The following ZNF30 variants were observed in gnomAD, a reference collection of about 807,000 sequenced individuals.
ZNF30 encodes the protein zinc finger protein 30, also known as zinc finger protein 30 (KOX 28).
A neutral mutation model predicts 13.2 loss-of-function variants in ZNF30; 15 were observed. That is an observed-to-expected ratio of 1.13 (90% CI 0.76 to 1.75). The LOEUF (loss-of-function observed/expected upper bound fraction) is 1.75, where lower values mean the gene tolerates loss of function less well. Ranked by LOEUF, ZNF30 falls within the 40% of genes most tolerant of loss-of-function variation. ZNF30 has a pLI of 0.00. For synonymous variants in ZNF30, 223 were observed against 256.6 expected (o/e 0.87, Z 1.25); for missense variants, 726 against 757.0 (o/e 0.96, Z 0.48).
intron 1 of ZNF30, among the ~76,000 whole-genome samples, chr19:34,928,240 T>A (rs1363196920): frequency 9.2e-6 from 1 of 108,890 alleles, no homozygotes; most frequent in African/African-American, 5.0e-5. Flanking sequence ...TATATATATA[T>A]ATATATATAT....
Position 34,933,690 on chromosome 19 carries a change from A to T in ZNF30, c.223A>T (p.Thr75Ser), listed in dbSNP as rs772788491. Reference protein sequence around the residue: ...LLEQWKEPEVTVRKDGRRWCT... With the variant: ...LLEQWKEPEVSVRKDGRRWCT... Reference sequence around the variant, plus strand: ...GGAACAATGGAAAGAGCCTGAAGTGACAGTGAGGAAAGATGGAAGAAGATG... The same window carrying T: ...GGAACAATGGAAAGAGCCTGAAGTGTCAGTGAGGAAAGATGGAAGAAGATG... The change falls in exon 4 of 5, where the codon ACA (threonine) becomes TCA (serine). Residue 75 changes from threonine to serine, a missense_variant. Coordinates refer to ENST00000601142, the MANE Select transcript of ZNF30 (RefSeq NM_194325.3). The T allele has an allele frequency of 6.3e-7, 1 of 1,594,350 alleles. No individual in the cohort carries two copies. The highest frequency in any genetic ancestry group is 8.5e-7 in the Non-Finnish European group (1 of 1,169,968).
chr19:34,935,709 T>G (rs1027152876), intron 4 of ZNF30, among the ~76,000 whole-genome samples: 21 of 150,248 alleles, frequency 1.4e-4, no homozygotes, highest in African/African-American at 5.1e-4. Flanking sequence ...AGTTTTTTTT[T>G]TTTTTTTTTT....
chr19:34,926,731 G>A (rs115588923), upstream of ZNF30: 5 of 391,870 alleles, frequency 1.3e-5, no homozygotes, highest in East Asian at 1.8e-4. Context: ...TTTCTGACCT[G>A]GTGTGTTAAT....
rs2013160262 is a variant in ZNF30 at position 34,943,586 on chromosome 19, A to C, written c.620A>C (p.Lys207Thr). The C allele has an allele frequency of 6.2e-7, 1 of 1,613,730 alleles. No homozygotes were observed. The highest frequency in any genetic ancestry group is 8.5e-7 in the Non-Finnish European group (1 of 1,179,808). The part of the protein sequence containing the change: ...IHTGEKPLKC[K>T]QCGKTISGSY... ...ACTGGTGAGAAGCCACTCAAATGTA[A>C]GCAATGTGGAAAGACTATTAGTGGT... Residue 207 changes from lysine to threonine, a missense_variant, in exon 5 of 5, where the codon AAG becomes ACG. Physicochemically the swap from Lys to Thr is moderately conservative, Grantham distance 78. Coordinates refer to ENST00000601142, the MANE Select transcript of ZNF30 (RefSeq NM_194325.3).
intron 2 of ZNF30, among the ~76,000 whole-genome samples, chr19:34,931,029 TTC>T (rs1056219122): frequency 6.1e-5 from 9 of 146,584 alleles, no homozygotes; most frequent in Admixed American, 5.5e-4. Flanking sequence ...ACTTTTTTTT[TTC>T]TTTTTTTCTT....
At chr19:34,935,248 TA>T (rs60008328) in intron 4 of ZNF30, among the ~76,000 whole-genome samples, 3 of 150,318 alleles carry the variant, frequency 2.0e-5, no homozygotes, top group African/African-American at 7.5e-5. Context: ...AAAAAATTTT[TA>T]AAAACAATTT....
chr19:34,925,042 C>T (rs2012014549), upstream of ZNF30, among the ~76,000 whole-genome samples: 1 of 152,302 alleles, frequency 6.6e-6, no homozygotes, highest in East Asian at 1.9e-4. Flanking sequence ...CCTGGCAGGG[C>T]GTGCGATGGG....
chr19:34,931,722 T>C (rs1479385391), intron 2 of ZNF30, 121 bp from the exon 3 acceptor site: 1 of 938,912 alleles, frequency 1.1e-6, no homozygotes, highest in African/African-American at 1.7e-5. Flanking sequence ...ACCATGCTCA[T>C]CCACTTGCCA....
intron 4 of ZNF30, among the ~76,000 whole-genome samples, chr19:34,939,421 AC>A (rs2012924474): frequency 3.3e-5 from 5 of 149,340 alleles, no homozygotes; most frequent in Non-Finnish European, 7.4e-5. Flanking sequence ...TTGGTGATCC[AC>A]CCGCTTCGGC....
chr19:34,928,197 G>T, intron 1 of ZNF30, among the ~76,000 whole-genome samples: 1 of 117,318 alleles, frequency 8.5e-6, no homozygotes. Context: ...GACAGAGCGA[G>T]ATCCCTTCTC....
upstream of ZNF30, chr19:34,926,878 A>G: frequency 2.5e-6 from 1 of 397,978 alleles, no homozygotes; most frequent in Middle Eastern, 6.3e-4. Context: ...GAGCGCCCAG[A>G]AGTCTCCGGG....
chr19:34,939,954 G>GTGTA (rs1349207010), intron 4 of ZNF30, among the ~76,000 whole-genome samples: 29 of 152,310 alleles, frequency 1.9e-4, no homozygotes, highest in Non-Finnish European at 5.9e-5. Context: ...TTATAAAAAG[G>GTGTA]TGTAGTAGAG....
At chr19:34,928,730 G>C (rs1252487897) in intron 1 of ZNF30, among the ~76,000 whole-genome samples, 2 of 151,944 alleles carry the variant, frequency 1.3e-5, no homozygotes, top group African/African-American at 4.8e-5. Flanking sequence ...CTACTTGGGA[G>C]GCTCCCAGGA....
intron 3 of ZNF30, among the ~76,000 whole-genome samples, chr19:34,932,812 A>C (rs2012524447): frequency 1.4e-5 from 2 of 143,774 alleles, no homozygotes; most frequent in Admixed American, 7.1e-5. Context: ...ACATAGTCTC[A>C]CTCTGTTGCC....
intron 4 of ZNF30, among the ~76,000 whole-genome samples, chr19:34,938,861 G>A (rs996343468): frequency 3.3e-5 from 5 of 152,094 alleles, no homozygotes; most frequent in Admixed American, 6.6e-5. Flanking sequence ...GGATACACTC[G>A]CATAGCCCTC....
At chr19:34,931,524 A>C (rs1220841296) in intron 2 of ZNF30, among the ~76,000 whole-genome samples, 4 of 152,190 alleles carry the variant, frequency 2.6e-5, no homozygotes, top group Admixed American at 2.0e-4. Context: ...TAATATAGAG[A>C]CTAATTGTTT....
rs370039406 is a variant in ZNF30, at chr19:34,944,669, T to A, written c.1703T>A (p.Phe568Tyr). 3.1e-6 allele frequency: 5 copies of A among 1,612,396 alleles called. No individual in the cohort carries two copies. The highest frequency in any genetic ancestry group is 3.3e-4 in the Middle Eastern group (2 of 6,076). Residue 568 changes from phenylalanine (F) to tyrosine (Y), a missense_variant, in exon 5 of 5, where the codon TTT becomes TAT. By Grantham distance (22) the Phe-to-Tyr change is conservative (BLOSUM62 3). Transcript: ENST00000601142. ...AGTGTTCACACTGGTGAGAAACCTT[T>A]TGAATGTAAGGAATGCGGGAAGGCC... ...HQSVHTGEKP[F>Y]ECKECGKAFR...
Position 34,929,914 on chromosome 19 carries a change from G to T in ZNF30, c.-34G>T. ...GAACTTCTCAGATAGAGGAACCCCA[G>T]TGAAGACTGATCAGTTCTTACAATT... On this transcript the variant is annotated 5_prime_UTR_variant, in exon 2 of 5. Coordinates refer to ENST00000601142, the MANE Select transcript of ZNF30 (RefSeq NM_194325.3). 6.3e-7 allele frequency: 1 copy of T among 1,599,452 alleles called. No homozygotes were observed. The highest frequency in any genetic ancestry group is 1.1e-5 in the South Asian group (1 of 87,828).
At chr19:34,934,903 A>G (rs1362711807) in intron 4 of ZNF30, among the ~76,000 whole-genome samples, 1 of 152,110 alleles carries the variant, frequency 6.6e-6, no homozygotes, top group African/African-American at 2.4e-5. Context: ...CACATTCTAC[A>G]CACATATCCC....
Sources: allele counts gnomAD v4.1 joint callset (sites outside exome capture counted in the v4.1 genomes callset), GRCh38; gene constraint gnomAD v4.1.1; transcripts MANE v1.5; gene names NCBI Gene and HGNC (gene_info 2026-07-23, HGNC 2026-07-21).